GFM1: variants seen among roughly 807,000 people sequenced by gnomAD.
GFM1 encodes the protein elongation factor G, mitochondrial.
A neutral mutation model predicts 96.2 loss-of-function variants in GFM1; 62 were observed. The observed-to-expected ratio is 0.64, with a 90% confidence interval of 0.53 to 0.80. The LOEUF is 0.80. Among genes scored for constraint, GFM1 ranks in the 30% least tolerant of loss-of-function variants. GFM1 has a pLI of 0.00. For synonymous variants in GFM1, 282 were observed against 312.9 expected (o/e 0.90, Z 1.04); for missense variants, 852 against 916.6 (o/e 0.93, Z 0.91).
At chr3:158,683,577 A>T (rs1725586567) in intron 14 of GFM1, among the ~76,000 whole-genome samples, 1 of 152,240 alleles carries the variant, frequency 6.6e-6, no homozygotes, top group South Asian at 2.1e-4. Flanking sequence ...GCTATAATGT[A>T]GTGATCTGCC....
intron 13 of GFM1, among the ~76,000 whole-genome samples, chr3:158,676,037 C>G (rs569996629): frequency 6.2e-4 from 95 of 152,278 alleles, no homozygotes; most frequent in African/African-American, 2.2e-3. Context: ...CTTTGTGAGG[C>G]TGAGGTGGGA....
rs1231245695 is a variant in GFM1, at chr3:158,661,016, T to A, written c.1323+41T>A. 4 of 1,514,202 alleles carry A rather than the reference T, an allele frequency of 2.6e-6. No individual in the cohort carries two copies. The South Asian group carries it at 4.5e-5, about 17-fold the overall frequency. The allele number at this position is 1,514,202 out of a possible 1,614,324, so 93.8% of individuals were successfully genotyped here. ...TCAAAGCTACTTATCACTAGAATTT[T>A]AAAAGTCTGTGTTTTTATGTAGTGC... is the stretch of plus-strand genomic sequence containing the variant. On this transcript the variant is annotated intron_variant, in intron 10 of 17. Transcript: ENST00000486715.
intron 13 of GFM1, among the ~76,000 whole-genome samples, chr3:158,674,463 G>A (rs1217847499): frequency 1.3e-5 from 2 of 152,040 alleles, no homozygotes; most frequent in South Asian, 2.1e-4. Flanking sequence ...TGTCAGATAC[G>A]AACTTACACT....
intron 15 of GFM1, among the ~76,000 whole-genome samples, chr3:158,686,229 A>T (rs1206295112): frequency 6.8e-6 from 1 of 148,082 alleles, no homozygotes. Context: ...ATATATGCAT[A>T]TATATGTGTA....
At chr3:158,669,172 T>C in intron 13 of GFM1, 1 of 1,528,822 alleles carries the variant, frequency 6.5e-7, no homozygotes, top group Non-Finnish European at 8.9e-7. Context: ...ATATATATAG[T>C]ATTAACCTTT....
In GFM1 at chr3:158,672,583, A is replaced by G. The variant is rs1724452145; in HGVS notation, c.1601+6197A>G. The G allele has an allele frequency of 3.5e-6, 5 of 1,415,296 alleles. No homozygotes were observed. The South Asian group carries it at 4.9e-5, about 14-fold the overall frequency. The allele number at this position is 1,415,296 out of a possible 1,614,324, so 87.7% of individuals were successfully genotyped here. On this transcript the variant is annotated intron_variant, in intron 13 of 17. Coordinates refer to ENST00000486715, the MANE Select transcript of GFM1 (RefSeq NM_024996.7). The stretch of plus-strand genomic sequence containing the variant: ...CTGCTGGGTCCGGTTGCCGAGGCGG[A>G]AAAGTCGCAAGCTCCTTCAGTCAGT...
At chr3:158,686,275 TATAA>T (rs1725832264) in intron 15 of GFM1, among the ~76,000 whole-genome samples, 1 of 147,890 alleles carries the variant, frequency 6.8e-6, no homozygotes, top group Non-Finnish European at 1.5e-5. Flanking sequence ...ATAAAATATA[TATAA>T]ACCATATAAA....
intron 13 of GFM1, chr3:158,667,000 A>G (rs1486789557): frequency 1.3e-6 from 2 of 1,593,974 alleles, no homozygotes; most frequent in South Asian, 1.2e-5. Context: ...ATAAAGGTAA[A>G]TTATACTTTA....
intron 8 of GFM1, among the ~76,000 whole-genome samples, chr3:158,655,071 A>G (rs1310314189): frequency 6.6e-6 from 1 of 152,218 alleles, no homozygotes; most frequent in Non-Finnish European, 1.5e-5. Context: ...GTCCATTTCT[A>G]GAAATATGTC....
At position 158,653,534 on chromosome 3, in the gene GFM1, T is replaced by C. The variant is rs1196432806; in HGVS notation, c.998+67T>C. 4.3e-6 allele frequency: 5 copies of C among 1,169,536 alleles called. No individual in the cohort carries two copies. In the African/African-American group the frequency reaches 4.6e-5, roughly 11 times the overall value. The allele number at this position is 1,169,536 out of a possible 1,614,324, so 72.4% of individuals were successfully genotyped here. ...TTCGTATTTATGCACTGTGAAGGAATTTAAGGATAGTTCTTTTAATTATGT... is the reference window on the plus strand; with the variant it reads ...TTCGTATTTATGCACTGTGAAGGAACTTAAGGATAGTTCTTTTAATTATGT... On this transcript the variant is annotated intron_variant, in intron 7 of 17. Coordinates refer to ENST00000486715, the MANE Select transcript of GFM1 (RefSeq NM_024996.7).
intron 14 of GFM1, chr3:158,682,455 G>T: frequency 6.2e-6 from 2 of 324,894 alleles, no homozygotes; most frequent in Non-Finnish European, 1.2e-5. Flanking sequence ...TAGTTCTTAG[G>T]GATTTATAAG....
intron 14 of GFM1, 117 bp downstream of exon 14, chr3:158,682,274 C>T: frequency 1.2e-6 from 1 of 823,556 alleles, no homozygotes; most frequent in Non-Finnish European, 2.0e-6. Flanking sequence ...AGTTACAGTC[C>T]TGTTTCTCTG....
At position 158,691,381 on chromosome 3, in the gene GFM1, T is replaced by C. The variant is rs1255299845; in HGVS notation, c.2170T>C (p.Leu724=). The change falls in exon 18 of 18, where the codon TTA becomes CTA. Residue 724 remains leucine (L), a synonymous_variant. Coordinates refer to ENST00000486715, the MANE Select transcript of GFM1 (RefSeq NM_024996.7). ...GGAGTATAGCAGGTATCAGCCATGT[T>C]TACCATCCACACAAGAAGACGTCAT... ...TMEYSRYQPC[L]PSTQEDVINK... The C allele has an allele frequency of 6.2e-7, 1 of 1,613,748 alleles. No homozygotes were observed. Among genetic ancestry groups the C allele is most frequent in the African/African-American group, 1.3e-5 (1 of 74,922 alleles).
chr3:158,691,304 C>CGG (rs1560147398), intron 17 of GFM1, 32 bp from the exon 18 acceptor site: 1 of 1,611,630 alleles, frequency 6.2e-7, no homozygotes, highest in East Asian at 2.2e-5. Context: ...AACAAACAAA[C>CGG]AAAAAACCCT....
chr3:158,672,444 C>T, intron 13 of GFM1: 1 of 1,614,076 alleles, frequency 6.2e-7, no homozygotes, highest in Non-Finnish European at 8.5e-7. Flanking sequence ...CAAGGCCGCC[C>T]TGGAGGCTGG....
chr3:158,691,066 T>C, intron 16 of GFM1, 73 bp from the exon 17 acceptor site: 2 of 1,018,588 alleles, frequency 2.0e-6, no homozygotes. Context: ...ATTAAATGGC[T>C]AAAATGCGTC....
intron 15 of GFM1, among the ~76,000 whole-genome samples, chr3:158,687,182 A>G (rs183906726): frequency 2.5e-4 from 38 of 151,482 alleles, no homozygotes; most frequent in African/African-American, 9.0e-4. Flanking sequence ...TTTTATTATT[A>G]TTATTTTTTG....
At chr3:158,650,416 G>T in intron 5 of GFM1, 1 of 242,878 alleles carries the variant, frequency 4.1e-6, no homozygotes, top group Admixed American at 4.7e-5. Context: ...TATTTCTGTT[G>T]TCAGAAGTAG....
chr3:158,674,141 C>T lies in GFM1; in HGVS notation c.1601+7755C>T, dbSNP rs577911311. 6.3e-5 allele frequency among the ~76,000 whole-genome samples: 9 copies of T among 143,962 alleles called. No homozygotes were observed. In the East Asian group the frequency reaches 8.3e-4, roughly 13 times the overall value. The allele number at this position is 143,962 out of a possible 152,430, so 94.4% of individuals were successfully genotyped here. On this transcript the variant is annotated intron_variant, in intron 13 of 17. Coordinates refer to ENST00000486715, the MANE Select transcript of GFM1 (RefSeq NM_024996.7). ...TGTTGCCTAGGCTGCAGTGCAGTGGCGTGATCTCGGCTCACTGCAACCTCC... is the reference window on the plus strand; with the variant it reads ...TGTTGCCTAGGCTGCAGTGCAGTGGTGTGATCTCGGCTCACTGCAACCTCC...
Sources: gnomAD v4.1 joint callset for allele counts (sites outside exome capture counted in the v4.1 genomes callset) on GRCh38, gnomAD v4.1.1 for gene constraint, MANE v1.5 for transcripts, NCBI Gene and HGNC (gene_info 2026-07-23, HGNC 2026-07-21) for gene names.